KIAA0825: variants seen among roughly 807,000 people sequenced by gnomAD.
KIAA0825 encodes the protein uncharacterized protein KIAA0825.
A neutral mutation model predicts 147.6 loss-of-function variants in KIAA0825; 119 were observed. The ratio of observed to expected loss-of-function variants is 0.81; its 90% CI spans 0.69 to 0.94. The LOEUF (loss-of-function observed/expected upper bound fraction) is 0.94, where lower values mean the gene tolerates loss of function less well. KIAA0825 is among the 40% of genes least tolerant of loss of function. The pLI is 0.00. For synonymous variants in KIAA0825, 470 were observed against 518.1 expected, an observed-to-expected ratio of 0.91 and a Z score of 1.26; for missense variants, 1,381 against 1,472.7, an observed-to-expected ratio of 0.94 and a Z score of 1.02.
At chr5:94,210,754 A>T (rs1229841494) in intron 20 of KIAA0825, among the ~76,000 whole-genome samples, 3 of 152,216 alleles carry the variant, frequency 2.0e-5, no homozygotes, top group Non-Finnish European at 4.4e-5. Flanking sequence ...AGACCTCATA[A>T]TTAAATACAG....
intron 20 of KIAA0825, among the ~76,000 whole-genome samples, chr5:94,378,713 A>G (rs1488038099): frequency 6.6e-6 from 1 of 152,248 alleles, no homozygotes; most frequent in Non-Finnish European, 1.5e-5. Context: ...ACTAATTTAC[A>G]TGCCCACCAG....
At position 94,400,341 on chromosome 5, in the gene KIAA0825, A is replaced by G. The variant is rs143002782; in HGVS notation, c.2887+3228T>C. ...TTTCTAAATTCTTAAGTGAAAAGAT[A>G]TGATACTTTTGTAGGTAACACTGGT... On this transcript the variant is annotated intron_variant, in intron 16 of 20. Transcript: ENST00000682413. 4.0e-3 allele frequency among the ~76,000 whole-genome samples: 607 copies of G among 152,324 alleles called. 6 individuals are homozygous for G. The highest frequency in any genetic ancestry group is 0.02 in the Middle Eastern group (6 of 294).
chr5:94,465,324 G>C (rs1760352358), intron 10 of KIAA0825, among the ~76,000 whole-genome samples: 1 of 152,170 alleles, frequency 6.6e-6, no homozygotes, highest in Admixed American at 6.5e-5. Context: ...GCCTAGCCTA[G>C]GGTTTAAAAT....
chr5:94,426,152 T>C (rs1754854971), intron 14 of KIAA0825, among the ~76,000 whole-genome samples: 1 of 151,912 alleles, frequency 6.6e-6, no homozygotes, highest in Non-Finnish European at 1.5e-5. Flanking sequence ...ATTATAGTTA[T>C]GATCCATCAT....
intron 5 of KIAA0825, among the ~76,000 whole-genome samples, chr5:94,490,678 ATT>A (rs1260542931): frequency 6.6e-6 from 1 of 151,996 alleles, no homozygotes; most frequent in Admixed American, 6.6e-5. Flanking sequence ...GTCTATATAT[ATT>A]TGTAAATATA....
At chr5:94,429,631 G>T (rs1448722237) in intron 14 of KIAA0825, among the ~76,000 whole-genome samples, 1 of 152,170 alleles carries the variant, frequency 6.6e-6, no homozygotes, top group Non-Finnish European at 1.5e-5. Context: ...GTTGATTCGT[G>T]AGATGTACAG....
In KIAA0825 at chr5:94,476,877, T is replaced by C. The variant is rs561766846; in HGVS notation, c.1227+234A>G. Among the ~76,000 whole-genome samples, 6 of 151,892 alleles carry C rather than the reference T, an allele frequency of 4.0e-5. No homozygotes were observed. In the South Asian group the frequency reaches 8.3e-4, roughly 21 times the overall value. On this transcript the variant is annotated intron_variant, in intron 7 of 20. Coordinates refer to ENST00000682413, the MANE Select transcript of KIAA0825 (RefSeq NM_001145678.3). Reference sequence around the variant, plus strand: ...CCCTGAGTCAGGATAATAACAAAGATCTCTTGAGTTCCATCTCTCTATTCC... The same window carrying C: ...CCCTGAGTCAGGATAATAACAAAGACCTCTTGAGTTCCATCTCTCTATTCC...
chr5:94,561,621 C>T (rs113857326), intron 2 of KIAA0825, among the ~76,000 whole-genome samples: 1,530 of 152,298 alleles, frequency 0.01, 20 homozygotes, highest in African/African-American at 0.035. Context: ...TCATTTTATA[C>T]ATTTAATCTG....
chr5:94,473,308 G>C lies in KIAA0825; in HGVS notation c.1439C>G (p.Pro480Arg), dbSNP rs1761445327. The C allele has an allele frequency of 6.4e-7, 1 of 1,551,462 alleles. No homozygotes were observed. Among genetic ancestry groups the C allele is most frequent in the South Asian group, 1.2e-5 (1 of 83,998 alleles). Reference protein sequence around the residue: ...DSHMFPEEEQPKKIGKFCSDI... With the variant: ...DSHMFPEEEQRKKIGKFCSDI... ...TATACTTGCTTTTCCAATTTTCTTT[G>C]GTTGTTCCTCCTCAGGAAACATATG... Residue 480 changes from proline to arginine, a missense_variant, in exon 8 of 21, where the codon CCA becomes CGA. Coordinates refer to ENST00000682413, the MANE Select transcript of KIAA0825 (RefSeq NM_001145678.3).
chr5:94,422,107 C>T (rs1210414658), intron 14 of KIAA0825, among the ~76,000 whole-genome samples: 2 of 152,186 alleles, frequency 1.3e-5, no homozygotes, highest in African/African-American at 2.4e-5. Context: ...GGATGCACTA[C>T]CCCAAAATAT....
intron 14 of KIAA0825, among the ~76,000 whole-genome samples, chr5:94,425,038 C>T (rs1268582347): frequency 6.6e-6 from 1 of 152,158 alleles, no homozygotes; most frequent in Non-Finnish European, 1.5e-5. Flanking sequence ...CAGAGGGTTT[C>T]ACTGCCAAAT....
At chr5:94,429,722 G>T (rs1352099583) in intron 14 of KIAA0825, among the ~76,000 whole-genome samples, 1 of 152,184 alleles carries the variant, frequency 6.6e-6, no homozygotes, top group Non-Finnish European at 1.5e-5. Context: ...CCACCTACAG[G>T]TTCCCCGATG....
At chr5:94,431,305 A>G (rs1174828361) in intron 14 of KIAA0825, among the ~76,000 whole-genome samples, 1 of 152,238 alleles carries the variant, frequency 6.6e-6, no homozygotes, top group Non-Finnish European at 1.5e-5. Context: ...GTTTAGAGAG[A>G]TCAATGAATA....
intron 20 of KIAA0825, among the ~76,000 whole-genome samples, chr5:94,347,034 A>G (rs1463563363): frequency 6.6e-6 from 1 of 152,066 alleles, no homozygotes; most frequent in African/African-American, 2.4e-5. Flanking sequence ...TGTGATTGCC[A>G]GCTTTTCCCC....
At position 94,216,233 on chromosome 5, in the gene KIAA0825, G is replaced by A. The variant is rs569392086; in HGVS notation, c.3711-62109C>T. Among the ~76,000 whole-genome samples the A allele has an allele frequency of 2.0e-5, 3 of 152,296 alleles. No individual in the cohort carries two copies. The East Asian group carries it at 5.8e-4, about 29-fold the overall frequency. On this transcript the variant is annotated intron_variant, in intron 20 of 20. Coordinates refer to ENST00000682413, the MANE Select transcript of KIAA0825 (RefSeq NM_001145678.3). ...AGTATTGGTTCTCTCCAATTGGAGG[G>A]AGAAGAAAGCAGGGTAAGAATATGG... is the stretch of plus-strand genomic sequence containing the variant.
chr5:94,165,340 C>A (rs928869298), intron 20 of KIAA0825, among the ~76,000 whole-genome samples: 4 of 152,010 alleles, frequency 2.6e-5, no homozygotes, highest in South Asian at 2.1e-4. Flanking sequence ...TGGCTTATAT[C>A]CCAAAGACAG....
intron 1 of KIAA0825, among the ~76,000 whole-genome samples, chr5:94,589,073 G>T (rs1168146142): frequency 6.6e-6 from 1 of 152,102 alleles, no homozygotes; most frequent in African/African-American, 2.4e-5. Flanking sequence ...TAATGTAAAA[G>T]TGCCGCAAAC....
intron 5 of KIAA0825, among the ~76,000 whole-genome samples, chr5:94,489,570 T>TA (rs200850265): frequency 0.027 from 3,183 of 119,364 alleles, 30 homozygotes; most frequent in Non-Finnish European, 0.035. Context: ...ACCAGTGACT[T>TA]AAAAAAAAAA....
chr5:94,311,650 A>T (rs1440607430), intron 20 of KIAA0825, among the ~76,000 whole-genome samples: 1 of 151,626 alleles, frequency 6.6e-6, no homozygotes, highest in Non-Finnish European at 1.5e-5. Flanking sequence ...GGCTTGCCAC[A>T]TTGTATAATA....
Sources: allele counts gnomAD v4.1 joint callset (sites outside exome capture counted in the v4.1 genomes callset), GRCh38; gene constraint gnomAD v4.1.1; transcripts MANE v1.5; gene names NCBI Gene and HGNC (gene_info 2026-07-23, HGNC 2026-07-21).